The following PRKAR1A variants were observed in gnomAD, a reference collection of about 807,000 sequenced individuals.
PRKAR1A encodes protein kinase cAMP-dependent type I regulatory subunit alpha.
A neutral mutation model predicts 52.0 loss-of-function variants in PRKAR1A; 3 were observed. The ratio of observed to expected loss-of-function variants is 0.06; its 90% CI spans 0.03 to 0.15. The LOEUF (loss-of-function observed/expected upper bound fraction) is 0.15, where lower values mean the gene tolerates loss of function less well. Among genes scored for constraint, PRKAR1A ranks in the 10% least tolerant of loss-of-function variants. The pLI, the probability that PRKAR1A is intolerant of heterozygous loss-of-function variation, is 1.00. For missense variants in PRKAR1A, 240 were observed against 477.4 expected (o/e 0.50, Z 4.63); for synonymous variants, 188 against 168.4 (o/e 1.12, Z -0.90).
At chr17:68,542,107 G>A (rs1451606596) in intron 11 of PRKAR1A, 7 of 1,614,018 alleles carry the variant, frequency 4.3e-6, no homozygotes, top group Non-Finnish European at 5.9e-6. Context: ...GGTTGCCACA[G>A]ACAGCATACT....
chr17:68,414,110 C>G, the PRKAR1A span: 4 of 157,948 alleles, frequency 2.5e-5, no homozygotes, highest in Non-Finnish European at 5.5e-5. Context: ...TAGACCGGAG[C>G]TGTTCCTATT....
At chr17:68,489,464 AAT>A in the PRKAR1A span, among the ~76,000 whole-genome samples, 9 of 140,614 alleles carry the variant, frequency 6.4e-5, no homozygotes, top group Admixed American at 1.5e-4. Flanking sequence ...AAATGGAAAA[AAT>A]ATATATATAT....
the PRKAR1A span, among the ~76,000 whole-genome samples, chr17:68,459,891 G>A: frequency 6.6e-6 from 1 of 151,314 alleles, no homozygotes; most frequent in Non-Finnish European, 1.5e-5. Context: ...CTGTCACCAG[G>A]CTCACTGCAA....
chr17:68,465,573 A>G, the PRKAR1A span, among the ~76,000 whole-genome samples: 1 of 148,472 alleles, frequency 6.7e-6, no homozygotes, highest in Non-Finnish European at 1.5e-5. Context: ...TCTTGCCTCA[A>G]CCTCTGGAGT....
chr17:68,479,142 T>C, the PRKAR1A span, among the ~76,000 whole-genome samples: 2 of 152,246 alleles, frequency 1.3e-5, no homozygotes, highest in Non-Finnish European at 2.9e-5. Context: ...TTCTACATTG[T>C]TCTTATACTT....
At chr17:68,427,345 C>T in the PRKAR1A span, 1 of 962,958 alleles carries the variant, frequency 1.0e-6, no homozygotes, top group South Asian at 1.4e-5. Flanking sequence ...GAAGCCTGTG[C>T]TCAGCTCTGT....
intron 2 of PRKAR1A, 114 bp downstream of exon 2, chr17:68,515,690 G>A: frequency 7.9e-7 from 1 of 1,269,666 alleles, no homozygotes. Context: ...TAAATAAAAA[G>A]TCTAAAACAA....
chr17:68,439,947 C>A, the PRKAR1A span, among the ~76,000 whole-genome samples: 2 of 152,192 alleles, frequency 1.3e-5, no homozygotes, highest in Non-Finnish European at 2.9e-5. Flanking sequence ...TGGACGCATA[C>A]CTCCAGCTGT....
chr17:68,435,665 G>A, the PRKAR1A span: 7 of 1,614,252 alleles, frequency 4.3e-6, no homozygotes, highest in Non-Finnish European at 5.1e-6. Flanking sequence ...CATTGAAGGT[G>A]ATGGCAGCTA....
chr17:68,487,737 T>C, the PRKAR1A span, among the ~76,000 whole-genome samples: 1 of 148,618 alleles, frequency 6.7e-6, no homozygotes, highest in Admixed American at 6.7e-5. Flanking sequence ...GAGGCGGAGG[T>C]TGCAGTGAGC....
In PRKAR1A at chr17:68,550,396, T is replaced by TTTTA. The variant is rs1491307289; in HGVS notation, c.974-688_974-687insTTTA. 1.8e-3 allele frequency among the ~76,000 whole-genome samples: 242 copies of TTTTA among 138,042 alleles called. 19 individuals carry two copies. In the East Asian group the frequency reaches 0.044, roughly 25 times the overall value. 90.6% of individuals were successfully genotyped at this position (138,042 alleles called of 152,430 possible). On this transcript the variant is annotated intron_variant, in intron 11 of 11. Transcript: ENST00000585981. ...TTTTTTTTTTTTTTTTTTTTTTTTTTAAGATAGAGAGTCTCCCTCTGTTGC... is the reference window on the plus strand; with the variant it reads ...TTTTTTTTTTTTTTTTTTTTTTTTTTTTTAAAGATAGAGAGTCTCCCTCTGTTGC...
chr17:68,417,863 C>T, the PRKAR1A span, among the ~76,000 whole-genome samples: 1,243 of 144,702 alleles, frequency 8.6e-3, 17 homozygotes, highest in African/African-American at 0.03. Flanking sequence ...CCCAGGTAGC[C>T]GGGATTACAG....
chr17:68,486,545 C>A, the PRKAR1A span, among the ~76,000 whole-genome samples: 50 of 122,594 alleles, frequency 4.1e-4, no homozygotes, highest in Non-Finnish European at 7.2e-4. Context: ...TTCTTTCTTT[C>A]TTTCTTTCTT....
At chr17:68,542,819 A>C (rs2086368562) in intron 11 of PRKAR1A, 1 of 1,599,982 alleles carries the variant, frequency 6.3e-7, no homozygotes, top group Non-Finnish European at 8.6e-7. Context: ...CCTGCAAGAG[A>C]GGAAGCTCTG....
At chr17:68,428,080 T>C in the PRKAR1A span, among the ~76,000 whole-genome samples, 5 of 152,056 alleles carry the variant, frequency 3.3e-5, no homozygotes, top group Admixed American at 2.0e-4. Context: ...TTTCTTTTTG[T>C]AAGGATGGGG....
chr17:68,484,785 G>A, the PRKAR1A span, among the ~76,000 whole-genome samples: 1 of 152,216 alleles, frequency 6.6e-6, no homozygotes, highest in African/African-American at 2.4e-5. Flanking sequence ...CATCCCGACA[G>A]AGAAAGCAAG....
At chr17:68,539,298 C>T (rs763065277) in intron 11 of PRKAR1A, 1 of 1,609,358 alleles carries the variant, frequency 6.2e-7, no homozygotes, top group Non-Finnish European at 8.5e-7. Context: ...AGGGTCACAA[C>T]TGTTACTTGC....
At chr17:68,441,811 A>G in the PRKAR1A span, among the ~76,000 whole-genome samples, 4 of 152,222 alleles carry the variant, frequency 2.6e-5, no homozygotes, top group African/African-American at 9.6e-5. Flanking sequence ...GGAGAAGTTG[A>G]GGTGATAATT....
chr17:68,549,494 C>CAAAA (rs34993560), intron 11 of PRKAR1A, among the ~76,000 whole-genome samples: 1 of 126,956 alleles, frequency 7.9e-6, no homozygotes, highest in Non-Finnish European at 1.7e-5. Flanking sequence ...AACTCCATCT[C>CAAAA]AAAAAAAAAA....
Sources: allele counts gnomAD v4.1 joint callset (sites outside exome capture counted in the v4.1 genomes callset), GRCh38; gene constraint gnomAD v4.1.1; transcripts MANE v1.5; gene names NCBI Gene and HGNC (gene_info 2026-07-23, HGNC 2026-07-21).